The following SPOCK3 variants were observed in gnomAD, a reference collection of about 807,000 sequenced individuals.
The protein encoded by SPOCK3 is SPARC (osteonectin), cwcv and kazal like domains proteoglycan 3, also known as testican-3.
A neutral mutation model predicts 56.6 loss-of-function variants in SPOCK3; 30 were observed. That is an observed-to-expected ratio of 0.53 (90% CI 0.40 to 0.72). SPOCK3 has a LOEUF of 0.72. Among genes scored for constraint, SPOCK3 ranks in the 30% least tolerant of loss-of-function variants. The pLI is 0.00. For missense variants in SPOCK3, 527 were observed against 530.0 expected (o/e 0.99, Z 0.06); for synonymous variants, 196 against 183.3 (o/e 1.07, Z -0.56).
chr4:167,109,485 A>T (rs1238880645), intron 2 of SPOCK3, among the ~76,000 whole-genome samples: 2 of 106,088 alleles, frequency 1.9e-5, no homozygotes, highest in Non-Finnish European at 1.8e-5. Context: ...ATTTATATAA[A>T]ATATATTTAT....
At chr4:166,939,229 AT>A (rs1423573480) in intron 4 of SPOCK3, among the ~76,000 whole-genome samples, 1 of 152,152 alleles carries the variant, frequency 6.6e-6, no homozygotes, top group African/African-American at 2.4e-5. Flanking sequence ...ATGAAAATAG[AT>A]TGCAAAAACT....
intron 4 of SPOCK3, among the ~76,000 whole-genome samples, chr4:166,921,606 G>A (rs1012348228): frequency 2.0e-5 from 3 of 152,052 alleles, no homozygotes; most frequent in African/African-American, 4.8e-5. Flanking sequence ...ATGAGCCACT[G>A]CACCCAGCCC....
chr4:167,069,764 C>T (rs1469066590), intron 2 of SPOCK3, among the ~76,000 whole-genome samples: 3 of 151,970 alleles, frequency 2.0e-5, no homozygotes, highest in African/African-American at 7.2e-5. Flanking sequence ...GTACCTGATG[C>T]TAAATGCTGG....
At chr4:166,938,708 T>G (rs1740727374) in intron 4 of SPOCK3, among the ~76,000 whole-genome samples, 1 of 152,044 alleles carries the variant, frequency 6.6e-6, no homozygotes, top group Non-Finnish European at 1.5e-5. Flanking sequence ...AATCAACATT[T>G]AGTCAGTAAA....
intron 6 of SPOCK3, among the ~76,000 whole-genome samples, chr4:166,880,153 T>G (rs192393474): frequency 6.6e-6 from 1 of 152,332 alleles, no homozygotes; most frequent in Non-Finnish European, 1.5e-5. Flanking sequence ...TCACTTTATT[T>G]TATTGAACTC....
At chr4:167,170,978 G>A (rs1730450689) in intron 2 of SPOCK3, among the ~76,000 whole-genome samples, 1 of 152,132 alleles carries the variant, frequency 6.6e-6, no homozygotes, top group Non-Finnish European at 1.5e-5. Flanking sequence ...GGGGTGAGGA[G>A]AAGAGGATGG....
chr4:166,775,508 A>C (rs1275983472), intron 7 of SPOCK3, among the ~76,000 whole-genome samples: 1 of 152,178 alleles, frequency 6.6e-6, no homozygotes, highest in Non-Finnish European at 1.5e-5. Flanking sequence ...TTGGAACACA[A>C]AGTTAAATGT....
chr4:167,146,170 G>A (rs912868997), intron 2 of SPOCK3, among the ~76,000 whole-genome samples: 1 of 152,104 alleles, frequency 6.6e-6, no homozygotes, highest in Non-Finnish European at 1.5e-5. Context: ...CCTAGTCTCT[G>A]ATAAAACAGA....
chr4:167,142,175 G>A (rs1763589004), intron 2 of SPOCK3, among the ~76,000 whole-genome samples: 2 of 152,044 alleles, frequency 1.3e-5, no homozygotes, highest in Admixed American at 1.3e-4. Flanking sequence ...TTCTTCAGGG[G>A]ACTGCTGGAA....
At chr4:167,091,944 T>C (rs918077753) in intron 2 of SPOCK3, among the ~76,000 whole-genome samples, 3 of 152,184 alleles carry the variant, frequency 2.0e-5, no homozygotes, top group Admixed American at 6.5e-5. Context: ...ATCTCTGTCT[T>C]TCCTGCTGCC....
rs111257132 is a variant in SPOCK3, at chr4:167,225,774, GA to G, written c.189+8210del. 8.0e-4 allele frequency among the ~76,000 whole-genome samples: 117 copies of G among 146,934 alleles called. 4 individuals carry two copies. The South Asian group carries it at 8.8e-3, about 11-fold the overall frequency. On this transcript the variant is annotated intron_variant, in intron 2 of 10. Coordinates refer to ENST00000357545, the MANE Select transcript of SPOCK3 (RefSeq NM_001040159.2). Reference sequence around the variant, plus strand: ...AATTGCCAGTAATCTCGCATGTTAAGAAAAAAAAAAATCTAAAGAGTAAAGC... The same window carrying G: ...AATTGCCAGTAATCTCGCATGTTAAGAAAAAAAAAATCTAAAGAGTAAAGC...
At position 167,183,963 on chromosome 4, in the gene SPOCK3, A is replaced by G. The variant is rs765458083; in HGVS notation, c.189+50022T>C. ...AAACCTTTTTGAATATCATACCAGG[A>G]TCATTTATTTGAAGCCCAAATGGTT... On this transcript the variant is annotated intron_variant, in intron 2 of 10. Transcript: ENST00000357545. Among the ~76,000 whole-genome samples the G allele has an allele frequency of 3.3e-5, 5 of 152,322 alleles. No individual in the cohort carries two copies. The South Asian group carries it at 1.0e-3, about 32-fold the overall frequency.
intron 2 of SPOCK3, among the ~76,000 whole-genome samples, chr4:167,109,692 G>C (rs1439166065): frequency 2.0e-5 from 3 of 147,926 alleles, no homozygotes; most frequent in East Asian, 2.0e-4. Context: ...GCATACAAAA[G>C]TATATGCTAA....
chr4:167,119,247 G>A (rs1365949996), intron 2 of SPOCK3, among the ~76,000 whole-genome samples: 1 of 152,084 alleles, frequency 6.6e-6, no homozygotes, highest in South Asian at 2.1e-4. Flanking sequence ...GATTATGTTG[G>A]AATGTAGGCT....
At chr4:167,113,039 TAGC>T (rs1761034468) in intron 2 of SPOCK3, among the ~76,000 whole-genome samples, 1 of 152,094 alleles carries the variant, frequency 6.6e-6, no homozygotes, top group African/African-American at 2.4e-5. Flanking sequence ...TTTTGTATCT[TAGC>T]AGCAGGTAGA....
chr4:167,111,047 A>G (rs972486402), intron 2 of SPOCK3, among the ~76,000 whole-genome samples: 1 of 152,032 alleles, frequency 6.6e-6, no homozygotes, highest in African/African-American at 2.4e-5. Context: ...AAAAAGAAAT[A>G]TAATTTAATA....
intron 2 of SPOCK3, chr4:167,119,713 A>C: frequency 4.0e-6 from 4 of 990,450 alleles, no homozygotes; most frequent in Non-Finnish European, 6.0e-6. Context: ...GTATTTAAAT[A>C]GAGAACGTTA....
At chr4:166,936,889 C>T (rs1740464241) in intron 4 of SPOCK3, among the ~76,000 whole-genome samples, 1 of 151,890 alleles carries the variant, frequency 6.6e-6, no homozygotes, top group South Asian at 2.1e-4. Context: ...TTCCAAATGT[C>T]TTCATATTTT....
chr4:167,189,729 A>G (rs72699702), intron 2 of SPOCK3, among the ~76,000 whole-genome samples: 10,134 of 145,528 alleles, frequency 0.07, 1,218 homozygotes, highest in Admixed American at 0.1. Flanking sequence ...TTAAATCCCC[A>G]GAACTTTTTC....
Sources: gnomAD v4.1 joint callset for allele counts (sites outside exome capture counted in the v4.1 genomes callset) on GRCh38, gnomAD v4.1.1 for gene constraint, MANE v1.5 for transcripts, NCBI Gene and HGNC (gene_info 2026-07-23, HGNC 2026-07-21) for gene names.